The following ADGRV1 variants were observed in gnomAD, a reference collection of about 807,000 sequenced individuals.
ADGRV1 encodes the protein adhesion G protein-coupled receptor V1.
ADGRV1 carries 359 observed loss-of-function variants against 596.2 expected under a neutral mutation model. The ratio of observed to expected loss-of-function variants is 0.60; its 90% CI spans 0.55 to 0.66. The LOEUF is 0.66. ADGRV1 is among the 30% of genes least tolerant of loss of function. The probability of loss-of-function intolerance (pLI) is 0.00; values close to 1 mark genes in which losing one functional copy is unlikely to be tolerated. For missense variants in ADGRV1, 7,274 were observed against 7,575.6 expected, an observed-to-expected ratio of 0.96 and a Z score of 1.48; for synonymous variants, 2,681 against 2,679.2, an observed-to-expected ratio of 1.00 and a Z score of -0.02.
chr5:90,589,555 G>A (rs1221568313), intron 1 of ADGRV1, among the ~76,000 whole-genome samples: 2 of 152,158 alleles, frequency 1.3e-5, no homozygotes, highest in African/African-American at 4.8e-5. Flanking sequence ...ATATGCTTGT[G>A]TTGATTAAGT....
chr5:91,029,358 G>C (rs1374378381), intron 85 of ADGRV1, among the ~76,000 whole-genome samples: 1 of 152,114 alleles, frequency 6.6e-6, no homozygotes, highest in African/African-American at 2.4e-5. Context: ...GTATGAATAT[G>C]ATACAATTTA....
intron 83 of ADGRV1, among the ~76,000 whole-genome samples, chr5:90,885,481 A>T (rs80217268): frequency 1.0e-3 from 152 of 152,306 alleles, no homozygotes; most frequent in African/African-American, 3.5e-3. Context: ...TTCAAATTAA[A>T]GTTTGTCTCT....
At chr5:91,093,997 A>G (rs551862583) in intron 86 of ADGRV1, among the ~76,000 whole-genome samples, 399 of 151,806 alleles carry the variant, frequency 2.6e-3, no homozygotes, top group Non-Finnish European at 4.1e-3. Flanking sequence ...GATTACAGGC[A>G]TGCGCCACCA....
intron 2 of ADGRV1, 74 bp from the exon 3 acceptor site, chr5:90,617,722 TCTTGATTG>T: frequency 8.6e-7 from 1 of 1,158,358 alleles, no homozygotes; most frequent in African/African-American, 1.6e-5. Flanking sequence ...ATGCTTTTTC[TCTTGATTG>T]CTGTAATTAA....
At chr5:91,101,216 A>G (rs1004037066) in intron 86 of ADGRV1, among the ~76,000 whole-genome samples, 1 of 152,168 alleles carries the variant, frequency 6.6e-6, no homozygotes, top group Non-Finnish European at 1.5e-5. Context: ...GGAAAAAAAA[A>G]CTTTCTCATT....
At chr5:90,937,725 G>A (rs1413420710) in intron 83 of ADGRV1, among the ~76,000 whole-genome samples, 1 of 152,156 alleles carries the variant, frequency 6.6e-6, no homozygotes, top group African/African-American at 2.4e-5. Flanking sequence ...CCAAAGTGGC[G>A]GGATTACAGG....
At chr5:91,006,177 A>T (rs1782258948) in intron 85 of ADGRV1, among the ~76,000 whole-genome samples, 1 of 152,156 alleles carries the variant, frequency 6.6e-6, no homozygotes, top group Non-Finnish European at 1.5e-5. Context: ...CTGGTAAATA[A>T]GTTAAAATGC....
chr5:90,784,170 T>G, intron 67 of ADGRV1, 113 bp downstream of exon 67: 1 of 712,208 alleles, frequency 1.4e-6, no homozygotes, highest in Non-Finnish European at 2.3e-6. Flanking sequence ...CAATATTTAT[T>G]AATTATCTTG....
At chr5:91,044,755 A>G (rs144191743) in intron 85 of ADGRV1, among the ~76,000 whole-genome samples, 410 of 152,316 alleles carry the variant, frequency 2.7e-3, no homozygotes, top group African/African-American at 9.5e-3. Flanking sequence ...TAAAGATAAA[A>G]GAATAAATGT....
At chr5:90,973,849 C>T (rs931792541) in intron 84 of ADGRV1, among the ~76,000 whole-genome samples, 1 of 151,982 alleles carries the variant, frequency 6.6e-6, no homozygotes, top group African/African-American at 2.4e-5. Context: ...AAGTTCTGGC[C>T]AGGGCAGTCA....
chr5:90,572,853 A>T (rs1286359059), intron 1 of ADGRV1, among the ~76,000 whole-genome samples: 1 of 152,140 alleles, frequency 6.6e-6, no homozygotes, highest in East Asian at 1.9e-4. Flanking sequence ...AATGGACTGG[A>T]TAGGAGGAAG....
Position 90,725,093 on chromosome 5 carries a change from A to G in ADGRV1, c.9914A>G (p.Asn3305Ser). ...QGIFIPVEDL[N>S]IENPKTCEAF... ...TTATTCCTCATTTTCTAGGATTTAA[A>G]TATAGAAAATCCTAAAACTTGTGAG... Residue 3305 changes from asparagine (N) to serine (S), a missense_variant, in exon 47 of 90, where the codon AAT becomes AGT. By Grantham distance (46) the Asn-to-Ser change is conservative (BLOSUM62 1). Coordinates refer to ENST00000405460, the MANE Select transcript of ADGRV1 (RefSeq NM_032119.4). 1 of 1,540,178 alleles carries G rather than the reference A, an allele frequency of 6.5e-7. No homozygotes were observed. The highest frequency in any genetic ancestry group is 8.8e-7 in the Non-Finnish European group (1 of 1,136,644).
chr5:91,140,681 G>A (rs1238767715), intron 87 of ADGRV1, among the ~76,000 whole-genome samples: 2 of 151,902 alleles, frequency 1.3e-5, no homozygotes, highest in African/African-American at 4.8e-5. Context: ...TTTGTACTTC[G>A]GAAAGTTTTT....
At chr5:90,977,967 C>T (rs145938234) in intron 84 of ADGRV1, among the ~76,000 whole-genome samples, 2 of 152,200 alleles carry the variant, frequency 1.3e-5, no homozygotes, top group African/African-American at 4.8e-5. Context: ...TGATATATAA[C>T]TTTATGTTTG....
intron 54 of ADGRV1, among the ~76,000 whole-genome samples, chr5:90,754,260 A>G (rs1755583860): frequency 1.3e-5 from 2 of 152,160 alleles, no homozygotes; most frequent in Admixed American, 1.3e-4. Context: ...TAATTAGAAT[A>G]ATTTTATCCT....
chr5:90,814,546 G>C (rs1762725716), intron 74 of ADGRV1, among the ~76,000 whole-genome samples: 2 of 152,082 alleles, frequency 1.3e-5, no homozygotes, highest in Admixed American at 1.3e-4. Context: ...CATGGGGGCA[G>C]TTTCCCCCAT....
At chr5:91,029,564 G>T (rs1784313457) in intron 85 of ADGRV1, among the ~76,000 whole-genome samples, 1 of 152,192 alleles carries the variant, frequency 6.6e-6, no homozygotes, top group South Asian at 2.1e-4. Flanking sequence ...CTGAAAAATG[G>T]TTGCAACAAT....
intron 87 of ADGRV1, among the ~76,000 whole-genome samples, chr5:91,102,871 A>G (rs1791512780): frequency 6.6e-6 from 1 of 152,218 alleles, no homozygotes; most frequent in Non-Finnish European, 1.5e-5. Context: ...TAGAAATTAT[A>G]TAACTGCAGC....
chr5:91,102,524 AT>A (rs1161475065), intron 87 of ADGRV1, among the ~76,000 whole-genome samples, 184 bp downstream of exon 87: 1 of 152,252 alleles, frequency 6.6e-6, no homozygotes, highest in African/African-American at 2.4e-5. Flanking sequence ...TATGACTGGG[AT>A]TCTAACTTGC....
Sources: allele counts gnomAD v4.1 joint callset (sites outside exome capture counted in the v4.1 genomes callset), GRCh38; gene constraint gnomAD v4.1.1; transcripts MANE v1.5; gene names NCBI Gene and HGNC (gene_info 2026-07-23, HGNC 2026-07-21).